GABRB1: variants seen among roughly 807,000 people sequenced by gnomAD.
GABRB1 encodes the protein gamma-aminobutyric acid type A receptor subunit beta1.
GABRB1 carries 17 observed loss-of-function variants against 51.6 expected under a neutral mutation model. The ratio of observed to expected loss-of-function variants is 0.33; its 90% confidence interval spans 0.23 to 0.49. The LOEUF (loss-of-function observed/expected upper bound fraction) is 0.49. Ranked by LOEUF, GABRB1 falls within the 20% of genes least tolerant of loss-of-function variation. GABRB1 has a pLI of 0.99. For missense variants in GABRB1, 410 were observed against 600.6 expected (o/e 0.68, Z 3.32); for synonymous variants, 247 against 218.9 (o/e 1.13, Z -1.14).
chr4:47,034,790 A>G (rs1725480294), intron 3 of GABRB1, among the ~76,000 whole-genome samples: 1 of 152,146 alleles, frequency 6.6e-6, no homozygotes, highest in Non-Finnish European at 1.5e-5. Context: ...CACAACTCAG[A>G]TGGTTAGCCC....
rs377562523 is a variant in GABRB1 at position 47,083,890 on chromosome 4, T to C, written c.240+51406T>C. On this transcript the variant is annotated intron_variant, in intron 3 of 8. Coordinates refer to ENST00000295454, the MANE Select transcript of GABRB1 (RefSeq NM_000812.4). ...CCTATGTCTAAGGGGTCAGAATAAT[T>C]GGCCACCTGCTTTAGGCTCCCAGCT... 3.3e-5 allele frequency among the ~76,000 whole-genome samples: 5 copies of C among 152,238 alleles called. No individual in the cohort carries two copies. In the South Asian group the frequency reaches 6.2e-4, roughly 19 times the overall value.
chr4:46,996,562 T>C (rs557943217), intron 1 of GABRB1, among the ~76,000 whole-genome samples: 4 of 152,174 alleles, frequency 2.6e-5, no homozygotes, highest in Admixed American at 2.6e-4. Flanking sequence ...CAAGTTCTTA[T>C]AGGCCATGGA....
intron 4 of GABRB1, among the ~76,000 whole-genome samples, chr4:47,194,626 T>G (rs899253578): frequency 6.6e-6 from 1 of 152,224 alleles, no homozygotes; most frequent in African/African-American, 2.4e-5. Context: ...AGCACATCAG[T>G]GCTGCACAAA....
Position 47,064,269 on chromosome 4 carries a change from G to T in GABRB1, c.240+31785G>T, listed in dbSNP as rs150247427. On this transcript the variant is annotated intron_variant, in intron 3 of 8. Transcript: ENST00000295454. ...TCTCTAAAAAGTCCTTCTCCAGTGA[G>T]GTCTTTCTTGCCTATTTTAACTAAA... 3.7e-3 allele frequency among the ~76,000 whole-genome samples: 567 copies of T among 152,138 alleles called. 4 individuals carry two copies. Among genetic ancestry groups the T allele is most frequent in the Middle Eastern group, 0.01 (3 of 294 alleles).
At chr4:47,250,085 G>T (rs1721926175) in intron 4 of GABRB1, among the ~76,000 whole-genome samples, 1 of 152,088 alleles carries the variant, frequency 6.6e-6, no homozygotes, top group African/African-American at 2.4e-5. Flanking sequence ...GTTTTGATGT[G>T]TTTCCAGGAT....
At chr4:47,213,349 T>C (rs1720436542) in intron 4 of GABRB1, among the ~76,000 whole-genome samples, 1 of 152,192 alleles carries the variant, frequency 6.6e-6, no homozygotes, top group African/African-American at 2.4e-5. Context: ...CTGTAACTTT[T>C]CTGACAAATT....
intron 5 of GABRB1, among the ~76,000 whole-genome samples, chr4:47,323,021 T>G (rs988659733): frequency 2.6e-5 from 4 of 152,132 alleles, no homozygotes; most frequent in African/African-American, 9.7e-5. Flanking sequence ...ATTAGAAGTA[T>G]AGTGTTAACT....
At chr4:47,249,977 T>C (rs1721921547) in intron 4 of GABRB1, among the ~76,000 whole-genome samples, 1 of 152,188 alleles carries the variant, frequency 6.6e-6, no homozygotes, top group Non-Finnish European at 1.5e-5. Context: ...GTGTTATTTC[T>C]TGCCTGTGTA....
At chr4:47,085,154 C>T (rs936398373) in intron 3 of GABRB1, among the ~76,000 whole-genome samples, 1 of 152,144 alleles carries the variant, frequency 6.6e-6, no homozygotes, top group African/African-American at 2.4e-5. Context: ...ATGGACTTGA[C>T]ATTGATAGAT....
chr4:47,162,897 C>T (rs1214788726), intron 4 of GABRB1, among the ~76,000 whole-genome samples: 1 of 152,042 alleles, frequency 6.6e-6, no homozygotes, highest in Admixed American at 6.6e-5. Context: ...CATCTATGCC[C>T]TACTCTTTTT....
intron 3 of GABRB1, among the ~76,000 whole-genome samples, chr4:47,119,118 A>G (rs1224736818): frequency 6.6e-6 from 1 of 152,176 alleles, no homozygotes; most frequent in East Asian, 1.9e-4. Flanking sequence ...GTATATAAAC[A>G]TATCTATCTA....
At chr4:47,234,482 C>A (rs539401078) in intron 4 of GABRB1, among the ~76,000 whole-genome samples, 1 of 142,212 alleles carries the variant, frequency 7.0e-6, no homozygotes, top group Non-Finnish European at 1.5e-5. Flanking sequence ...AGCAAAACTC[C>A]GTCTCAAAAA....
intron 3 of GABRB1, among the ~76,000 whole-genome samples, chr4:47,108,835 T>A (rs75909069): frequency 0.063 from 9,614 of 152,030 alleles, 780 homozygotes; most frequent in African/African-American, 0.19. Flanking sequence ...CCAAAACAGA[T>A]CATGGAGAAA....
intron 1 of GABRB1, among the ~76,000 whole-genome samples, chr4:47,024,031 A>G (rs916917125): frequency 2.0e-5 from 3 of 151,954 alleles, no homozygotes; most frequent in African/African-American, 7.2e-5. Context: ...AACTAATAAA[A>G]TCTTCTACTG....
intron 5 of GABRB1, among the ~76,000 whole-genome samples, chr4:47,341,341 T>C (rs967702318): frequency 2.0e-5 from 3 of 151,984 alleles, no homozygotes; most frequent in African/African-American, 7.2e-5. Flanking sequence ...CCAGTGGCCA[T>C]GCTCTCTGGA....
chr4:47,031,996 G>A lies in GABRB1; in HGVS notation c.163G>A (p.Asp55Asn), dbSNP rs142160221. The A allele has an allele frequency of 8.6e-5, 139 of 1,611,554 alleles. No individual in the cohort carries two copies. The highest frequency in any genetic ancestry group is 1.1e-4 in the Non-Finnish European group (133 of 1,179,400). Residue 55 changes from aspartate to asparagine, a missense_variant, in exon 2 of 9, where the codon GAC becomes AAC. By Grantham distance (23) the Asp-to-Asn change is conservative (BLOSUM62 1). Transcript: ENST00000295454. ...AGGATATGACATTCGCTTGCGGCCG[G>A]ACTTCGGAGGTAACGCTTCATCTTT... is the stretch of plus-strand genomic sequence containing the variant. The part of the protein sequence containing the change: ...LKGYDIRLRP[D>N]FGGPPVDVGM...
chr4:47,345,066 G>C (rs191672832), intron 5 of GABRB1, among the ~76,000 whole-genome samples: 2 of 152,040 alleles, frequency 1.3e-5, no homozygotes, highest in Admixed American at 1.3e-4. Flanking sequence ...GTTTTTCAGT[G>C]CCTGGCGAAG....
intron 3 of GABRB1, among the ~76,000 whole-genome samples, chr4:47,115,966 G>A (rs2109637909): frequency 6.6e-6 from 1 of 152,074 alleles, no homozygotes; most frequent in East Asian, 1.9e-4. Context: ...TGTTAGTCAG[G>A]CTATATCATC....
chr4:47,179,454 A>C (rs1372342082), intron 4 of GABRB1, among the ~76,000 whole-genome samples: 1 of 152,104 alleles, frequency 6.6e-6, no homozygotes, highest in Non-Finnish European at 1.5e-5. Context: ...AGGATTATAA[A>C]TCATTCTACT....
Sources: allele counts gnomAD v4.1 joint callset (sites outside exome capture counted in the v4.1 genomes callset), GRCh38; gene constraint gnomAD v4.1.1; transcripts MANE v1.5; gene names NCBI Gene and HGNC (gene_info 2026-07-23, HGNC 2026-07-21).